The following CHLSN variants were observed in gnomAD, a reference collection of about 807,000 sequenced individuals.
CHLSN encodes cholesin, also known as protein cholesin.
At chr7:987,205 G>C in the CHLSN span, 1 of 1,548,596 alleles carries the variant, frequency 6.5e-7, no homozygotes, top group Non-Finnish European at 8.7e-7. Flanking sequence ...CCACGCTGCA[G>C]TGGGCCGCAC....
the CHLSN span, among the ~76,000 whole-genome samples, chr7:1,002,264 A>G: frequency 3.0e-5 from 2 of 67,170 alleles, no homozygotes; most frequent in African/African-American, 6.5e-5. Context: ...CCTGTGGGTG[A>G]GTGGAGCCCT....
chr7:1,009,059 A>C, the CHLSN span, among the ~76,000 whole-genome samples: 261 of 121,010 alleles, frequency 2.2e-3, no homozygotes, highest in African/African-American at 6.4e-3. Flanking sequence ...GTACACGTGC[A>C]CGTGCACGCA....
the CHLSN span, chr7:986,639 C>T: frequency 7.4e-6 from 12 of 1,612,720 alleles, no homozygotes; most frequent in Non-Finnish European, 1.0e-5. Flanking sequence ...CAACGTCTAC[C>T]CATGGCTCGG....
the CHLSN span, among the ~76,000 whole-genome samples, chr7:1,088,504 G>T: frequency 6.6e-6 from 1 of 152,186 alleles, no homozygotes; most frequent in South Asian, 2.1e-4. The surrounding 1 kb of genome is among the most constrained non-coding windows in gnomAD (Gnocchi z 4.5). Flanking sequence ...CCGGAGCTCC[G>T]GTGGTCTCAG....
At chr7:1,136,443 A>AAT in the CHLSN span, among the ~76,000 whole-genome samples, 5 of 121,930 alleles carry the variant, frequency 4.1e-5, no homozygotes, top group Non-Finnish European at 7.8e-5. Context: ...CATATATATA[A>AAT]ATATATATAA....
chr7:1,109,160 G>A, the CHLSN span, among the ~76,000 whole-genome samples: 1 of 152,130 alleles, frequency 6.6e-6, no homozygotes, highest in African/African-American at 2.4e-5. Flanking sequence ...GCCTCCCAAA[G>A]TGCTCGGAGC....
the CHLSN span, among the ~76,000 whole-genome samples, chr7:1,082,935 G>A: frequency 2.0e-5 from 3 of 152,238 alleles, no homozygotes; most frequent in African/African-American, 7.2e-5. Context: ...TCAGACTGAG[G>A]TGGGGTGGGA....
the CHLSN span, among the ~76,000 whole-genome samples, chr7:1,023,675 A>ACACACACACC: frequency 1.0e-5 from 1 of 98,560 alleles, no homozygotes; most frequent in Non-Finnish European, 2.3e-5. The surrounding 1 kb of genome is among the most constrained non-coding windows in gnomAD (Gnocchi z 5.0). Context: ...ACACACACAC[A>ACACACACACC]CACCAGCAAC....
chr7:987,240 T>G, the CHLSN span: 3 of 1,527,326 alleles, frequency 2.0e-6, no homozygotes, highest in East Asian at 2.5e-5. Flanking sequence ...CACCCGGACG[T>G]GCAGGGTGAG....
the CHLSN span, among the ~76,000 whole-genome samples, chr7:1,078,345 G>A: frequency 2.1e-5 from 3 of 141,804 alleles, no homozygotes; most frequent in East Asian, 5.8e-4. Context: ...CACCAGCTGC[G>A]GGGTGGGGGG....
chr7:1,054,317 T>TA, the CHLSN span, among the ~76,000 whole-genome samples: 1 of 152,234 alleles, frequency 6.6e-6, no homozygotes, highest in East Asian at 1.9e-4. Flanking sequence ...TCATCATTGA[T>TA]ACCTGGTGAA....
the CHLSN span, among the ~76,000 whole-genome samples, chr7:1,014,159 T>C: frequency 2.0e-5 from 3 of 152,034 alleles, no homozygotes; most frequent in Non-Finnish European, 4.4e-5. Flanking sequence ...ACTCAACAAA[T>C]ACACTGAAAA....
the CHLSN span, among the ~76,000 whole-genome samples, chr7:1,019,894 G>A: frequency 3.3e-5 from 5 of 152,234 alleles, no homozygotes; most frequent in African/African-American, 9.6e-5. Flanking sequence ...CCAGAGGCCC[G>A]CAGGCACTGA....
chr7:1,017,571 C>A, the CHLSN span, among the ~76,000 whole-genome samples: 1 of 152,164 alleles, frequency 6.6e-6, no homozygotes, highest in Non-Finnish European at 1.5e-5. Context: ...CTCCACACAG[C>A]GGGGTGGAGG....
the CHLSN span, among the ~76,000 whole-genome samples, chr7:1,061,568 C>T: frequency 6.6e-6 from 1 of 152,184 alleles, no homozygotes; most frequent in Non-Finnish European, 1.5e-5. Context: ...GAGACACCTG[C>T]TCATCTATAT....
chr7:1,092,643 G>T, the CHLSN span: 1 of 1,612,732 alleles, frequency 6.2e-7, no homozygotes, highest in South Asian at 1.1e-5. Context: ...ACCCCCTCAC[G>T]GGCCACATTG....
At chr7:1,004,244 C>A in the CHLSN span, among the ~76,000 whole-genome samples, 3 of 152,156 alleles carry the variant, frequency 2.0e-5, no homozygotes, top group African/African-American at 7.2e-5. Flanking sequence ...CAGGCCATGG[C>A]ATCTGCCTGC....
At chr7:1,016,616 C>A in the CHLSN span, among the ~76,000 whole-genome samples, 2 of 145,310 alleles carry the variant, frequency 1.4e-5, 1 homozygote, top group South Asian at 4.3e-4. Flanking sequence ...CAGCAGCGCA[C>A]GCCAGAGCAC....
At chr7:980,200 C>T in the CHLSN span, among the ~76,000 whole-genome samples, 2 of 152,342 alleles carry the variant, frequency 1.3e-5, no homozygotes, top group African/African-American at 2.4e-5. Context: ...CCAGCCCCTC[C>T]GGGGGAGCCC....
Sources: allele counts gnomAD v4.1 joint callset (sites outside exome capture counted in the v4.1 genomes callset), GRCh38; gene constraint gnomAD v4.1.1; non-coding constraint Gnocchi (gnomAD v3.1); transcripts MANE v1.5; gene names NCBI Gene and HGNC (gene_info 2026-07-23, HGNC 2026-07-21).